The following TBL1X variants were observed in gnomAD, a reference collection of about 807,000 sequenced individuals.
TBL1X encodes F-box-like/WD repeat-containing protein TBL1X.
Under a neutral mutation model 50.7 loss-of-function variants are expected in TBL1X, and 10 were observed. The ratio of observed to expected loss-of-function variants is 0.20; its 90% CI spans 0.12 to 0.33. The LOEUF (loss-of-function observed/expected upper bound fraction) is 0.33, where lower values mean the gene tolerates loss of function less well. TBL1X is among the 10% of genes least tolerant of loss of function. The probability of loss-of-function intolerance (pLI) is 1.00; values close to 1 mark genes in which losing one functional copy is unlikely to be tolerated. For synonymous variants in TBL1X, 190 were observed against 214.7 expected (o/e 0.88, Z 1.01); for missense variants, 340 against 504.4 (o/e 0.67, Z 3.12).
chrX:9,600,475 G>A (rs202028461), intron 2 of TBL1X, among the ~76,000 whole-genome samples: 3 of 73,699 alleles, frequency 4.1e-5, no homozygotes, highest in African/African-American at 5.7e-5. Context: ...TGGGCGGGGG[G>A]GGGGGTACAC....
intron 1 of TBL1X, among the ~76,000 whole-genome samples, chrX:9,480,757 A>ACAC (rs2081877294): frequency 6.4e-5 from 3 of 46,902 alleles, no homozygotes; most frequent in African/African-American, 1.4e-4. Flanking sequence ...AAATTAAGCC[A>ACAC]CCCCCCCCCC....
intron 2 of TBL1X, among the ~76,000 whole-genome samples, chrX:9,595,707 G>C (rs1191496549): frequency 9.0e-6 from 1 of 111,518 alleles, no homozygotes. Flanking sequence ...TAAATTGGAG[G>C]CATTTTTCTT....
intron 6 of TBL1X, 27 bp downstream of exon 6, chrX:9,684,215 A>G (rs1196471315): frequency 8.3e-7 from 1 of 1,208,256 alleles, no homozygotes; most frequent in African/African-American, 1.8e-5. Context: ...CCCGGCCCCC[A>G]AACAGCAGAG....
chrX:9,644,427 T>C (rs1177388348), intron 3 of TBL1X, among the ~76,000 whole-genome samples: 1 of 111,347 alleles, frequency 9.0e-6, no homozygotes, highest in Non-Finnish European at 1.9e-5. Flanking sequence ...GCTCTTTTTC[T>C]TACATGCATT....
At chrX:9,463,611 G>C, upstream of TBL1X, 1 of 112,726 alleles carries the variant, frequency 8.9e-6, no homozygotes, top group South Asian at 3.6e-4. Flanking sequence ...CTCACCTCCG[G>C]CCGGGCACGG....
chrX:9,563,158 A>G (rs749803122), intron 2 of TBL1X, among the ~76,000 whole-genome samples: 2 of 112,755 alleles, frequency 1.8e-5, no homozygotes, highest in South Asian at 3.7e-4. Context: ...CTTGCCATAT[A>G]AGGAAGTTGC....
intron 3 of TBL1X, among the ~76,000 whole-genome samples, chrX:9,642,995 G>GTGA (rs2082783842): frequency 8.9e-6 from 1 of 112,581 alleles, no homozygotes; most frequent in South Asian, 3.7e-4. Flanking sequence ...GGGCCATGAT[G>GTGA]TGATGAAGAC....
intron 3 of TBL1X, among the ~76,000 whole-genome samples, chrX:9,643,747 A>G (rs1300523664): frequency 3.6e-5 from 4 of 111,402 alleles, no homozygotes; most frequent in Non-Finnish European, 7.5e-5. Flanking sequence ...TGTAGTCCCA[A>G]CTGCTCAAGA....
At chrX:9,654,814 A>T (rs1418898115) in intron 5 of TBL1X, among the ~76,000 whole-genome samples, 1 of 111,527 alleles carries the variant, frequency 9.0e-6, no homozygotes, top group Non-Finnish European at 1.9e-5. Flanking sequence ...GTTAGTAAGT[A>T]AACAGCCAAT....
intron 2 of TBL1X, among the ~76,000 whole-genome samples, chrX:9,515,631 C>T (rs1240710576): frequency 4.5e-5 from 5 of 112,079 alleles, no homozygotes. Flanking sequence ...GTGAGTGAGG[C>T]ATGGAGTGAA....
intron 5 of TBL1X, among the ~76,000 whole-genome samples, chrX:9,665,533 ATATAT>A (rs1341619198): frequency 3.4e-5 from 2 of 59,280 alleles, no homozygotes; most frequent in Non-Finnish European, 6.1e-5. Flanking sequence ...ATATATATAT[ATATAT>A]AAAAGGCCTT....
intron 2 of TBL1X, among the ~76,000 whole-genome samples, chrX:9,619,231 T>C (rs16985616): frequency 0.014 from 1,597 of 112,368 alleles, 33 homozygotes; most frequent in African/African-American, 0.049. Flanking sequence ...GCCTGAACAT[T>C]GGTGGACTGG....
intron 5 of TBL1X, among the ~76,000 whole-genome samples, chrX:9,660,242 C>T (rs2082889880): frequency 8.9e-6 from 1 of 112,515 alleles, no homozygotes; most frequent in Admixed American, 9.4e-5. Context: ...TTGTGACTGA[C>T]GTCCACACAC....
At chrX:9,499,627 A>G (rs1039267191) in intron 1 of TBL1X, among the ~76,000 whole-genome samples, 7 of 112,377 alleles carry the variant, frequency 6.2e-5, no homozygotes, top group Non-Finnish European at 1.1e-4. Context: ...TTGGCCCCAG[A>G]AAGAACGCAT....
chrX:9,654,171 A>G (rs2082852365), intron 4 of TBL1X, 44 bp from the exon 5 acceptor site: 1 of 1,135,813 alleles, frequency 8.8e-7, no homozygotes, highest in Admixed American at 2.7e-5. Flanking sequence ...AAAAAAGAGA[A>G]AAATACAAGC....
chrX:9,686,187 G>A (rs2083058402), intron 6 of TBL1X, among the ~76,000 whole-genome samples: 1 of 111,544 alleles, frequency 9.0e-6, no homozygotes, highest in African/African-American at 3.3e-5. Context: ...TTTCCTCACT[G>A]CAAAACACAC....
intron 2 of TBL1X, among the ~76,000 whole-genome samples, chrX:9,544,281 G>A (rs1469203780): frequency 8.9e-6 from 1 of 111,932 alleles, no homozygotes; most frequent in East Asian, 2.8e-4. Context: ...GCCCCATGGT[G>A]TCTGGAAAGC....
chrX:9,715,154 C>T (rs1405890391), intron 17 of TBL1X, 151 bp downstream of exon 17: 1 of 513,617 alleles, frequency 1.9e-6, no homozygotes, highest in African/African-American at 2.4e-5. Flanking sequence ...GGAGTTGGTA[C>T]CACATCTGGG....
chrX:9,671,404 G>A (rs1361499960), intron 5 of TBL1X, among the ~76,000 whole-genome samples: 1 of 112,874 alleles, frequency 8.9e-6, no homozygotes, highest in Admixed American at 9.3e-5. Context: ...CATTCCTGTG[G>A]GCATGCGGCC....
Sources: gnomAD v4.1 joint callset for allele counts (sites outside exome capture counted in the v4.1 genomes callset) on GRCh38, gnomAD v4.1.1 for gene constraint, MANE v1.5 for transcripts, NCBI Gene and HGNC (gene_info 2026-07-23, HGNC 2026-07-21) for gene names.